The following C8orf34 variants were observed in gnomAD, a reference collection of about 807,000 sequenced individuals.
The protein encoded by C8orf34 is uncharacterized protein C8orf34.
C8orf34 carries 65 observed loss-of-function variants against 68.3 expected under a neutral mutation model. The ratio of observed to expected loss-of-function variants is 0.95; its 90% CI spans 0.78 to 1.17. The LOEUF (loss-of-function observed/expected upper bound fraction) is 1.17, where lower values mean the gene tolerates loss of function less well. C8orf34 is among the 50% of genes most tolerant of loss of function. The pLI is 0.00. For missense variants in C8orf34, 664 were observed against 655.4 expected (o/e 1.01, Z -0.14); for synonymous variants, 244 against 241.2 (o/e 1.01, Z -0.11).
Position 68,586,510 on chromosome 8 carries a change from C to A in C8orf34, c.1105+53361C>A, listed in dbSNP as rs150394376. On this transcript the variant is annotated intron_variant, in intron 7 of 13. Coordinates refer to ENST00000518698, the MANE Select transcript of C8orf34 (RefSeq NM_052958.4). ...AAACTGGAGAATAAAATCTATTAAT[C>A]CATTTAATCAGTCCAGATAAACTGT... 1.1e-4 allele frequency among the ~76,000 whole-genome samples: 16 copies of A among 152,228 alleles called. No individual in the cohort carries two copies. In the East Asian group the frequency reaches 3.1e-3, roughly 30 times the overall value.
At chr8:68,387,571 A>G (rs947025937) in intron 1 of C8orf34, among the ~76,000 whole-genome samples, 2 of 152,206 alleles carry the variant, frequency 1.3e-5, no homozygotes, top group African/African-American at 2.4e-5. Context: ...AGAGGATGAT[A>G]GAGTCATGAA....
chr8:68,331,355 G>A lies in C8orf34; in HGVS notation c.327+16G>A. ...CCTGTTTGAGGTAAGGCGCTGTGGA[G>A]GAGGGCAGTCCCGTTGTCTTTAGGG... On this transcript the variant is annotated intron_variant, in intron 1 of 13. Coordinates refer to ENST00000518698, the MANE Select transcript of C8orf34 (RefSeq NM_052958.4). 4 of 1,535,790 alleles carry A rather than the reference G, an allele frequency of 2.6e-6. No individual in the cohort carries two copies. Among genetic ancestry groups the A allele is most frequent in the East Asian group, 2.4e-5 (1 of 40,904 alleles).
At position 68,768,257 on chromosome 8, in the gene C8orf34, A is replaced by T. The variant is rs557270280; in HGVS notation, c.1405-8142A>T. 2.5e-4 allele frequency among the ~76,000 whole-genome samples: 38 copies of T among 152,244 alleles called. No homozygotes were observed. In the East Asian group the frequency reaches 7.0e-3, roughly 28 times the overall value. On this transcript the variant is annotated intron_variant, in intron 10 of 13. Transcript: ENST00000518698. ...CTTCCTTGCTATTGGGTGGTACAGG[A>T]TGTGCCAAGCTTACATTGTATATTT...
At chr8:68,703,066 T>C (rs1821065890) in intron 8 of C8orf34, among the ~76,000 whole-genome samples, 2 of 152,268 alleles carry the variant, frequency 1.3e-5, no homozygotes, top group South Asian at 4.1e-4. Context: ...AGCTCTGACC[T>C]CTTTTCTCTT....
At chr8:68,362,729 C>G (rs573451631) in intron 1 of C8orf34, among the ~76,000 whole-genome samples, 39 of 152,048 alleles carry the variant, frequency 2.6e-4, no homozygotes, top group African/African-American at 8.2e-4. Flanking sequence ...ACAACCACAC[C>G]AAAAACCCAT....
chr8:68,707,932 T>A (rs1490676859), intron 8 of C8orf34, among the ~76,000 whole-genome samples: 1 of 152,156 alleles, frequency 6.6e-6, no homozygotes, highest in Non-Finnish European at 1.5e-5. Context: ...ATATTAAAAT[T>A]GTTTATCCAA....
At chr8:68,624,055 G>A (rs904709834) in intron 7 of C8orf34, among the ~76,000 whole-genome samples, 1 of 152,018 alleles carries the variant, frequency 6.6e-6, no homozygotes, top group African/African-American at 2.4e-5. Context: ...GGTGGATCAC[G>A]AGGTCAGGAG....
Position 68,657,951 on chromosome 8 carries a change from A to AT in C8orf34, c.1241+17449dup, listed in dbSNP as rs200596043. On this transcript the variant is annotated intron_variant, in intron 8 of 13. Transcript: ENST00000518698. ...CAAATTTCTACTCTGATGGTTTTAA[A>AT]TTTTTTTTTATTATGGTCTCAAATA... 2.0e-5 allele frequency among the ~76,000 whole-genome samples: 3 copies of AT among 151,858 alleles called. No individual in the cohort carries two copies. The East Asian group carries it at 5.8e-4, about 29-fold the overall frequency.
chr8:68,521,342 G>A (rs988403818), intron 5 of C8orf34, among the ~76,000 whole-genome samples: 4 of 152,158 alleles, frequency 2.6e-5, no homozygotes, highest in African/African-American at 9.7e-5. Context: ...ATCCTGAAAT[G>A]TCTAAAATGC....
chr8:68,616,491 C>G (rs950537386), intron 7 of C8orf34, among the ~76,000 whole-genome samples: 1 of 152,146 alleles, frequency 6.6e-6, no homozygotes, highest in Non-Finnish European at 1.5e-5. Context: ...CATGTTGTGT[C>G]TTTGTCCTCA....
intron 7 of C8orf34, chr8:68,535,333 T>G: frequency 1.0e-6 from 1 of 982,682 alleles, no homozygotes; most frequent in South Asian, 4.7e-5. Flanking sequence ...AGCTTATGTG[T>G]TTGTAAATGT....
chr8:68,446,431 T>G lies in C8orf34; in HGVS notation c.578T>G (p.Ile193Ser), dbSNP rs758739799. Residue 193 changes from isoleucine (I) to serine (S), a missense_variant, in exon 3 of 14, where the codon ATT (isoleucine) becomes AGT (serine). By Grantham distance (142) the Ile-to-Ser change is moderately radical. Coordinates refer to ENST00000518698, the MANE Select transcript of C8orf34 (RefSeq NM_052958.4). ...AAAAGTGACCTTGCTGTGTCTAATA[T>G]TTCTCCACCATCACCGGACTCCAAA... ...KSKSDLAVSNISPPSPDSKSL... is the reference protein window; with the variant it reads ...KSKSDLAVSNSSPPSPDSKSL... The G allele has an allele frequency of 1.2e-6, 2 of 1,613,096 alleles. No homozygotes were observed. The highest frequency in any genetic ancestry group is 2.2e-5 in the South Asian group (2 of 90,848).
chr8:68,612,665 T>G (rs952499929), intron 7 of C8orf34, among the ~76,000 whole-genome samples: 7 of 152,152 alleles, frequency 4.6e-5, no homozygotes, highest in African/African-American at 1.2e-4. Flanking sequence ...AATATGGCAC[T>G]AGGCATACAA....
chr8:68,644,188 C>G (rs2130750458), intron 8 of C8orf34, among the ~76,000 whole-genome samples: 1 of 152,270 alleles, frequency 6.6e-6, no homozygotes, highest in African/African-American at 2.4e-5. Flanking sequence ...AAAGTAAATA[C>G]TCAAAAACCC....
At chr8:68,555,634 A>G (rs1816227870) in intron 7 of C8orf34, among the ~76,000 whole-genome samples, 1 of 152,038 alleles carries the variant, frequency 6.6e-6, no homozygotes, top group Non-Finnish European at 1.5e-5. Flanking sequence ...TTTTTATTCT[A>G]TTATTTCACA....
rs187640472 is a variant in C8orf34 at position 68,428,938 on chromosome 8, A to C, written c.328-10561A>C. Among the ~76,000 whole-genome samples the C allele has an allele frequency of 5.7e-3, 871 of 152,294 alleles. 7 individuals are homozygous for C. The highest frequency in any genetic ancestry group is 0.01 in the Non-Finnish European group (688 of 67,992). On this transcript the variant is annotated intron_variant, in intron 1 of 13. Coordinates refer to ENST00000518698, the MANE Select transcript of C8orf34 (RefSeq NM_052958.4). ...CTACCTCACCCCATAATAAATGTTG[A>C]CTTTAGATGCTTTGCAGACCTACCT...
chr8:68,774,740 AT>A lies in C8orf34; in HGVS notation c.1405-1651del, dbSNP rs538532819. 1.7e-3 allele frequency among the ~76,000 whole-genome samples: 73 copies of A among 44,078 alleles called. No homozygotes were observed. In the African/African-American group the frequency reaches 0.025, roughly 15 times the overall value. 28.9% of individuals were successfully genotyped at this position (44,078 alleles called of 152,430 possible). A position where few individuals can be genotyped will look rare whatever the true frequency, so the allele number is the denominator to read the frequency against. On this transcript the variant is annotated intron_variant, in intron 10 of 13. Coordinates refer to ENST00000518698, the MANE Select transcript of C8orf34 (RefSeq NM_052958.4). ...CAAGTACTTGCAAGAATACATCACA[AT>A]TTTTTTTAAAAAAAACTAAAATGAA...
At chr8:68,505,688 G>C (rs570593788) in intron 5 of C8orf34, among the ~76,000 whole-genome samples, 1 of 138,850 alleles carries the variant, frequency 7.2e-6, no homozygotes, top group African/African-American at 3.0e-5. Context: ...CCGAGATTGC[G>C]CCACTGCAGT....
At chr8:68,373,754 T>C (rs1194786568) in intron 1 of C8orf34, among the ~76,000 whole-genome samples, 47 of 152,192 alleles carry the variant, frequency 3.1e-4, no homozygotes, top group Non-Finnish European at 5.9e-5. Flanking sequence ...GAGTTTATTA[T>C]CAAATTAGAC....
Sources: allele counts gnomAD v4.1 joint callset (sites outside exome capture counted in the v4.1 genomes callset), GRCh38; gene constraint gnomAD v4.1.1; transcripts MANE v1.5; gene names NCBI Gene and HGNC (gene_info 2026-07-23, HGNC 2026-07-21).